SYT1: variants seen among roughly 807,000 people sequenced by gnomAD.
The protein encoded by SYT1 is synaptotagmin-1.
Under a neutral mutation model 44.8 loss-of-function variants are expected in SYT1, and 8 were observed. The observed-to-expected ratio is 0.18, with a 90% CI of 0.10 to 0.32. The LOEUF (loss-of-function observed/expected upper bound fraction) is 0.32. Ranked by LOEUF, SYT1 falls within the 10% of genes least tolerant of loss-of-function variation. The pLI, the probability that SYT1 is intolerant of heterozygous loss-of-function variation, is 1.00. For synonymous variants in SYT1, 154 were observed against 188.8 expected, an observed-to-expected ratio of 0.82 and a Z score of 1.51; for missense variants, 286 against 509.3, an observed-to-expected ratio of 0.56 and a Z score of 4.22.
chr12:79,369,660 A>G (rs984466181), intron 9 of SYT1, among the ~76,000 whole-genome samples: 3 of 152,238 alleles, frequency 2.0e-5, no homozygotes, highest in African/African-American at 7.2e-5. Flanking sequence ...TACTATTCTC[A>G]AGCCAAATTA....
intron 1 of SYT1, among the ~76,000 whole-genome samples, chr12:78,896,645 G>T (rs1314962324): frequency 6.6e-6 from 1 of 151,732 alleles, no homozygotes; most frequent in African/African-American, 2.4e-5. Flanking sequence ...AGAGACTTTA[G>T]AGTATTAGCA....
intron 4 of SYT1, among the ~76,000 whole-genome samples, chr12:79,278,553 C>CA (rs1878866767): frequency 6.6e-6 from 1 of 151,846 alleles, no homozygotes; most frequent in African/African-American, 2.4e-5. Flanking sequence ...AATGCCTACA[C>CA]AAAAAAGACA....
At chr12:79,434,310 T>C (rs139121870) in intron 9 of SYT1, among the ~76,000 whole-genome samples, 6 of 152,330 alleles carry the variant, frequency 3.9e-5, no homozygotes, top group Admixed American at 3.9e-4. Flanking sequence ...ACAGAAAATT[T>C]TCCCCAAATA....
At chr12:79,148,034 A>G (rs1214178588) in intron 3 of SYT1, among the ~76,000 whole-genome samples, 2 of 152,156 alleles carry the variant, frequency 1.3e-5, no homozygotes, top group Non-Finnish European at 2.9e-5. Flanking sequence ...ATGAAAAAAA[A>G]GATTTCTAAG....
intron 1 of SYT1, among the ~76,000 whole-genome samples, chr12:78,945,796 T>C (rs1427741196): frequency 6.6e-6 from 1 of 152,152 alleles, no homozygotes; most frequent in African/African-American, 2.4e-5. Flanking sequence ...CCACCCTTAT[T>C]CAGTCCCTGA....
At chr12:79,105,319 C>T (rs1878656091) in intron 3 of SYT1, among the ~76,000 whole-genome samples, 1 of 152,090 alleles carries the variant, frequency 6.6e-6, no homozygotes, top group South Asian at 2.1e-4. Context: ...GCAACGTGTC[C>T]AGCACTAACA....
intron 1 of SYT1, among the ~76,000 whole-genome samples, chr12:78,929,779 A>G (rs1421810921): frequency 7.2e-5 from 11 of 152,182 alleles, no homozygotes; most frequent in Admixed American, 6.5e-4. Flanking sequence ...TGCAAGCAAC[A>G]TGTGAGAAAT....
chr12:79,228,378 A>C (rs1875653897), intron 4 of SYT1, among the ~76,000 whole-genome samples: 1 of 152,176 alleles, frequency 6.6e-6, no homozygotes, highest in African/African-American at 2.4e-5. Context: ...TTTTTACTAA[A>C]GTCCCCAGAT....
At chr12:79,077,773 A>G (rs575242336) in intron 3 of SYT1, among the ~76,000 whole-genome samples, 1 of 152,188 alleles carries the variant, frequency 6.6e-6, no homozygotes, top group Non-Finnish European at 1.5e-5. Context: ...AGCTGATTAA[A>G]AATAATGTCA....
At chr12:79,380,046 G>C (rs914090601) in intron 9 of SYT1, among the ~76,000 whole-genome samples, 3 of 152,044 alleles carry the variant, frequency 2.0e-5, no homozygotes, top group African/African-American at 7.2e-5. Flanking sequence ...GAAACAATCT[G>C]ACATTTTTAG....
chr12:79,016,221 T>C (rs932197426), intron 2 of SYT1, among the ~76,000 whole-genome samples: 1 of 152,176 alleles, frequency 6.6e-6, no homozygotes, highest in African/African-American at 2.4e-5. Flanking sequence ...CTGTGTGAGG[T>C]AGGACATGTA....
At chr12:79,418,808 A>G (rs186943280) in intron 9 of SYT1, among the ~76,000 whole-genome samples, 5 of 152,258 alleles carry the variant, frequency 3.3e-5, no homozygotes, top group Admixed American at 2.0e-4. Context: ...GTTCAATATC[A>G]GGTATATCAG....
chr12:79,419,730 T>C (rs984000726), intron 9 of SYT1, among the ~76,000 whole-genome samples: 1 of 152,106 alleles, frequency 6.6e-6, no homozygotes, highest in African/African-American at 2.4e-5. Flanking sequence ...ATAATCAAAA[T>C]AGCCTATGTC....
chr12:79,147,912 T>C (rs1236744334), intron 3 of SYT1, among the ~76,000 whole-genome samples: 1 of 152,166 alleles, frequency 6.6e-6, no homozygotes, highest in Non-Finnish European at 1.5e-5. Context: ...ATATAATTGG[T>C]TTGAAATAGG....
At chr12:79,028,715 T>C (rs1872668798) in intron 2 of SYT1, among the ~76,000 whole-genome samples, 1 of 151,316 alleles carries the variant, frequency 6.6e-6, no homozygotes, top group Non-Finnish European at 1.5e-5. Context: ...AATGTGCCTG[T>C]TTTTCTGGAT....
At chr12:79,362,211 A>C (rs1381917630) in intron 9 of SYT1, among the ~76,000 whole-genome samples, 1 of 152,200 alleles carries the variant, frequency 6.6e-6, no homozygotes, top group African/African-American at 2.4e-5. Flanking sequence ...ATTGAAATGC[A>C]AAGCTCAGTG....
intron 3 of SYT1, among the ~76,000 whole-genome samples, chr12:79,176,355 G>T (rs1227763132): frequency 6.6e-6 from 1 of 151,772 alleles, no homozygotes; most frequent in Non-Finnish European, 1.5e-5. Flanking sequence ...TGATGGCAGT[G>T]TCTGCAGATT....
chr12:79,231,807 G>A (rs542710133), intron 4 of SYT1, among the ~76,000 whole-genome samples: 31 of 152,116 alleles, frequency 2.0e-4, no homozygotes, highest in South Asian at 6.2e-4. Context: ...TTATAATCAC[G>A]CAAATATTAC....
chr12:79,337,664 A>G (rs927103253), intron 8 of SYT1, among the ~76,000 whole-genome samples: 1 of 151,926 alleles, frequency 6.6e-6, no homozygotes, highest in Admixed American at 6.6e-5. Context: ...TCTCAGAGTT[A>G]AAAGTACTAA....
Sources: gnomAD v4.1 joint callset for allele counts (sites outside exome capture counted in the v4.1 genomes callset) on GRCh38, gnomAD v4.1.1 for gene constraint, MANE v1.5 for transcripts, NCBI Gene and HGNC (gene_info 2026-07-23, HGNC 2026-07-21) for gene names.